TMEM132D: variants seen among roughly 807,000 people sequenced by gnomAD.
The protein encoded by TMEM132D is transmembrane protein 132D.
Under a neutral mutation model 62.3 loss-of-function variants are expected in TMEM132D, and 21 were observed. That is an observed-to-expected ratio of 0.34 (90% CI 0.24 to 0.49). TMEM132D has a LOEUF of 0.49. Ranked by LOEUF, TMEM132D falls within the 20% of genes least tolerant of loss-of-function variation. The pLI, the probability that TMEM132D is intolerant of heterozygous loss-of-function variation, is 0.99. For synonymous variants in TMEM132D, 621 were observed against 575.6 expected, an observed-to-expected ratio of 1.08 and a Z score of -1.13; for missense variants, 1,346 against 1,402.8, an observed-to-expected ratio of 0.96 and a Z score of 0.65.
intron 1 of TMEM132D, among the ~76,000 whole-genome samples, chr12:129,711,080 G>C (rs1881630771): frequency 1.3e-5 from 2 of 152,030 alleles, no homozygotes; most frequent in Admixed American, 6.6e-5. Context: ...AAAATCCCTC[G>C]TCCTTCTCAG....
intron 1 of TMEM132D, among the ~76,000 whole-genome samples, chr12:129,863,260 C>T (rs953044168): frequency 6.6e-6 from 1 of 152,158 alleles, no homozygotes; most frequent in Admixed American, 6.5e-5. Context: ...AATCAGCTAG[C>T]CAGCCACCCC....
chr12:129,322,601 T>C (rs1272731145), intron 4 of TMEM132D, among the ~76,000 whole-genome samples: 2 of 152,172 alleles, frequency 1.3e-5, no homozygotes, highest in Non-Finnish European at 2.9e-5. Flanking sequence ...GCAAATTCCT[T>C]TAAATCCAGG....
chr12:129,179,535 A>ATT (rs1475386337), intron 5 of TMEM132D, among the ~76,000 whole-genome samples: 2 of 152,138 alleles, frequency 1.3e-5, no homozygotes, highest in African/African-American at 4.8e-5. Flanking sequence ...TTTAACTTTT[A>ATT]TTCCACTAAG....
rs549688351 is a variant in TMEM132D at position 129,231,959 on chromosome 12, G to C, written c.1300-22296C>G. 4.6e-5 allele frequency among the ~76,000 whole-genome samples: 7 copies of C among 152,296 alleles called. No homozygotes were observed. The South Asian group carries it at 1.5e-3, about 32-fold the overall frequency. ...GGGCCTGCTTCTTCCAATTATATCA[G>C]AACCTCTGGGGAGTGGGACACAGGC... On this transcript the variant is annotated intron_variant, in intron 4 of 8. Coordinates refer to ENST00000422113, the MANE Select transcript of TMEM132D (RefSeq NM_133448.3).
chr12:129,125,683 G>T (rs1876192500), intron 5 of TMEM132D, among the ~76,000 whole-genome samples: 2 of 148,572 alleles, frequency 1.3e-5, no homozygotes, highest in Admixed American at 6.7e-5. Context: ...TTTTTTTTTT[G>T]GTATAAACGG....
chr12:129,429,727 C>T (rs909464109), intron 3 of TMEM132D, among the ~76,000 whole-genome samples: 3 of 124,622 alleles, frequency 2.4e-5, no homozygotes, highest in Non-Finnish European at 5.1e-5. Flanking sequence ...AATGCTATCC[C>T]TCCCCCCTCC....
At chr12:129,337,028 A>C (rs1321665589) in intron 4 of TMEM132D, among the ~76,000 whole-genome samples, 1 of 152,220 alleles carries the variant, frequency 6.6e-6, no homozygotes, top group African/African-American at 2.4e-5. Context: ...GCCCTTGTCA[A>C]CTACAGTAAC....
intron 4 of TMEM132D, among the ~76,000 whole-genome samples, chr12:129,325,871 A>G (rs1868891903): frequency 6.6e-6 from 1 of 152,222 alleles, no homozygotes; most frequent in African/African-American, 2.4e-5. Flanking sequence ...CCAGCTACAG[A>G]GCAAACAAGC....
intron 2 of TMEM132D, among the ~76,000 whole-genome samples, chr12:129,588,740 ATTTTTTTC>A (rs1878106866): frequency 6.4e-5 from 2 of 31,118 alleles, no homozygotes; most frequent in African/African-American, 1.0e-4. Flanking sequence ...ACGCCCAGCT[ATTTTTTTC>A]TTTTTTTTTT....
chr12:129,639,782 C>A (rs1478889677), intron 2 of TMEM132D, among the ~76,000 whole-genome samples: 1 of 152,166 alleles, frequency 6.6e-6, no homozygotes, highest in Admixed American at 6.5e-5. Flanking sequence ...AGAACCTAGG[C>A]CCAAAAGTCT....
At chr12:129,327,049 G>T (rs75878516) in intron 4 of TMEM132D, among the ~76,000 whole-genome samples, 1 of 152,086 alleles carries the variant, frequency 6.6e-6, no homozygotes, top group Non-Finnish European at 1.5e-5. Context: ...ATCATAACCG[G>T]CAGTGCTGCT....
At chr12:129,512,679 G>A (rs1593044870) in intron 3 of TMEM132D, among the ~76,000 whole-genome samples, 3 of 152,190 alleles carry the variant, frequency 2.0e-5, no homozygotes, top group African/African-American at 4.8e-5. Context: ...TGTTTCCAAC[G>A]AGGCTCACTT....
intron 3 of TMEM132D, among the ~76,000 whole-genome samples, chr12:129,512,816 C>G (rs1875534905): frequency 1.3e-5 from 2 of 152,194 alleles, no homozygotes; most frequent in African/African-American, 2.4e-5. Flanking sequence ...GAGTGAATGT[C>G]TCAAGAAAGA....
At chr12:129,658,964 A>C (rs1167236852) in intron 2 of TMEM132D, among the ~76,000 whole-genome samples, 2 of 152,070 alleles carry the variant, frequency 1.3e-5, no homozygotes, top group Non-Finnish European at 2.9e-5. Context: ...GTGGTAGTAC[A>C]ATCTTGGCTC....
rs187079238 is a variant in TMEM132D at position 129,797,007 on chromosome 12, G to A, written c.80-96309C>T. On this transcript the variant is annotated intron_variant, in intron 1 of 8. Coordinates refer to ENST00000422113, the MANE Select transcript of TMEM132D (RefSeq NM_133448.3). Reference sequence around the variant, plus strand: ...TATTAGCTAGGCATCTTTTAACACCGGCTTGTTTTCTACAGGGACACTTTC... The same window carrying A: ...TATTAGCTAGGCATCTTTTAACACCAGCTTGTTTTCTACAGGGACACTTTC... Among the ~76,000 whole-genome samples the A allele has an allele frequency of 7.9e-4, 121 of 152,208 alleles. 1 individual carries two copies. The highest frequency in any genetic ancestry group is 3.4e-3 in the Middle Eastern group (1 of 294).
intron 1 of TMEM132D, among the ~76,000 whole-genome samples, chr12:129,822,747 A>T (rs1872570236): frequency 1.3e-5 from 2 of 152,214 alleles, no homozygotes; most frequent in African/African-American, 4.8e-5. Context: ...GAAGTCCCTT[A>T]TAAAACCATC....
chr12:129,505,885 C>A (rs925386056), intron 3 of TMEM132D, among the ~76,000 whole-genome samples: 1 of 152,144 alleles, frequency 6.6e-6, no homozygotes, highest in African/African-American at 2.4e-5. Context: ...TGTCTTTTTC[C>A]ACCCCTCTAC....
intron 1 of TMEM132D, among the ~76,000 whole-genome samples, chr12:129,807,307 G>A (rs538974112): frequency 5.9e-5 from 9 of 152,186 alleles, no homozygotes; most frequent in South Asian, 4.2e-4. Context: ...CTGCGCCTGC[G>A]TTCTGTTACC....
intron 3 of TMEM132D, among the ~76,000 whole-genome samples, chr12:129,524,977 G>A (rs538942716): frequency 9.9e-5 from 12 of 120,978 alleles, no homozygotes; most frequent in African/African-American, 3.8e-4. Flanking sequence ...CCAGGCTGGA[G>A]TGCAGTGGCG....
Sources: gnomAD v4.1 joint callset for allele counts (sites outside exome capture counted in the v4.1 genomes callset) on GRCh38, gnomAD v4.1.1 for gene constraint, MANE v1.5 for transcripts, NCBI Gene and HGNC (gene_info 2026-07-23, HGNC 2026-07-21) for gene names.